Variants in SLC35F4 observed in about 807,000 individuals in gnomAD.
SLC35F4 encodes the protein chromosome 14 open reading frame 36.
In SLC35F4, 24 loss-of-function variants were observed where a neutral mutation model predicts 44.2. The ratio of observed to expected loss-of-function variants is 0.54; its 90% CI spans 0.39 to 0.76. The LOEUF is 0.76. Among genes scored for constraint, SLC35F4 ranks in the 30% least tolerant of loss-of-function variants. The pLI, the probability that SLC35F4 is intolerant of heterozygous loss-of-function variation, is 0.00. For synonymous variants in SLC35F4, 238 were observed against 223.6 expected (o/e 1.06, Z -0.57); for missense variants, 562 against 586.1 (o/e 0.96, Z 0.42).
chr14:57,894,644 TC>T (rs1445283176), intron 1 of SLC35F4, among the ~76,000 whole-genome samples: 4 of 152,160 alleles, frequency 2.6e-5, no homozygotes, highest in African/African-American at 9.7e-5. Flanking sequence ...TCAATAAACT[TC>T]TAAAATGTAT....
intron 1 of SLC35F4, among the ~76,000 whole-genome samples, chr14:57,778,387 T>G (rs2140727951): frequency 6.6e-6 from 1 of 152,152 alleles, no homozygotes; most frequent in Admixed American, 6.5e-5. Flanking sequence ...AGGAAGGACA[T>G]TAACTACATA....
intron 1 of SLC35F4, among the ~76,000 whole-genome samples, chr14:57,829,863 G>A (rs931824669): frequency 1.3e-5 from 2 of 152,142 alleles, no homozygotes; most frequent in Non-Finnish European, 2.9e-5. Context: ...TCCAGATAGG[G>A]GAGTTGAATT....
At chr14:57,599,924 C>A (rs2070716445) in intron 1 of SLC35F4, among the ~76,000 whole-genome samples, 2 of 152,006 alleles carry the variant, frequency 1.3e-5, no homozygotes, top group African/African-American at 4.8e-5. Flanking sequence ...ATACTCCCTC[C>A]CTTTGATATC....
At chr14:57,695,360 G>C (rs1433716429) in intron 1 of SLC35F4, among the ~76,000 whole-genome samples, 1 of 151,402 alleles carries the variant, frequency 6.6e-6, no homozygotes, top group Non-Finnish European at 1.5e-5. Flanking sequence ...AGTGGGCGAA[G>C]CACATGAACA....
At chr14:57,708,055 G>A (rs144669643) in intron 1 of SLC35F4, among the ~76,000 whole-genome samples, 95 of 152,252 alleles carry the variant, frequency 6.2e-4, no homozygotes, top group Admixed American at 2.5e-3. Context: ...TTTAGGGATC[G>A]TGTAGCCTCT....
intron 1 of SLC35F4, among the ~76,000 whole-genome samples, chr14:57,907,815 T>C (rs1889132863): frequency 2.6e-5 from 4 of 151,412 alleles, no homozygotes; most frequent in Admixed American, 2.0e-4. Flanking sequence ...AAAATAATAA[T>C]AAACCTTATT....
chr14:57,954,753 T>C (rs935725077), intron 1 of SLC35F4, among the ~76,000 whole-genome samples: 5 of 151,610 alleles, frequency 3.3e-5, no homozygotes, highest in African/African-American at 9.7e-5. Flanking sequence ...AATAGACCAA[T>C]AGTAAGTTCT....
At chr14:57,588,627 A>G (rs1202755677) in intron 3 of SLC35F4, among the ~76,000 whole-genome samples, 1 of 152,194 alleles carries the variant, frequency 6.6e-6, no homozygotes, top group Non-Finnish European at 1.5e-5. Context: ...ATGGTTAGCA[A>G]GGAAACAGAC....
chr14:57,630,724 A>G, intron 1 of SLC35F4: 1 of 533,012 alleles, frequency 1.9e-6, no homozygotes, highest in Non-Finnish European at 3.4e-6. Context: ...GGCGTGTGTC[A>G]TTCACTTATT....
At chr14:57,741,761 G>A (rs1276330943) in intron 1 of SLC35F4, among the ~76,000 whole-genome samples, 2 of 152,016 alleles carry the variant, frequency 1.3e-5, no homozygotes, top group Non-Finnish European at 2.9e-5. Flanking sequence ...CAACTCCAAG[G>A]CACATAATTG....
At chr14:57,565,244 A>G (rs2068147831) in intron 7 of SLC35F4, among the ~76,000 whole-genome samples, 1 of 152,150 alleles carries the variant, frequency 6.6e-6, no homozygotes, top group Non-Finnish European at 1.5e-5. Context: ...TGGGGTATAC[A>G]CTCAGGAGTG....
At chr14:57,803,253 A>C (rs1735424598) in intron 1 of SLC35F4, among the ~76,000 whole-genome samples, 1 of 152,186 alleles carries the variant, frequency 6.6e-6, no homozygotes, top group South Asian at 2.1e-4. Context: ...AAAATCAAGC[A>C]CCCCTTCATG....
intron 1 of SLC35F4, among the ~76,000 whole-genome samples, chr14:57,688,759 C>T (rs1049137772): frequency 6.6e-6 from 1 of 152,142 alleles, no homozygotes; most frequent in African/African-American, 2.4e-5. Context: ...CTGGCTCATA[C>T]TCATTTGTTG....
At chr14:57,843,462 G>A (rs1363348440) in intron 1 of SLC35F4, among the ~76,000 whole-genome samples, 1 of 152,088 alleles carries the variant, frequency 6.6e-6, no homozygotes, top group African/African-American at 2.4e-5. Flanking sequence ...GCTGAGAAGG[G>A]AGTCTTTCAT....
chr14:57,640,499 T>C (rs557095314), intron 1 of SLC35F4, among the ~76,000 whole-genome samples: 3 of 152,168 alleles, frequency 2.0e-5, no homozygotes, highest in Admixed American at 2.0e-4. Flanking sequence ...TTTATTTTGG[T>C]ACAAGTCTCC....
At position 57,719,047 on chromosome 14, in the gene SLC35F4, C is replaced by T. The variant is rs151137856; in HGVS notation, c.104-124923G>A. Among the ~76,000 whole-genome samples, 391 of 152,264 alleles carry T rather than the reference C, an allele frequency of 2.6e-3. 3 individuals carry two copies. Among genetic ancestry groups the T allele is most frequent in the South Asian group, 0.026 (123 of 4,818 alleles). On this transcript the variant is annotated intron_variant, in intron 1 of 7. Transcript: ENST00000556826. ...GAGATAGGGGCCAAGTTTCATTCTT[C>T]GGCATGTGGATATCTAGTTTTCTCA...
intron 1 of SLC35F4, among the ~76,000 whole-genome samples, chr14:57,738,535 T>A (rs2076521311): frequency 6.6e-6 from 1 of 151,976 alleles, no homozygotes; most frequent in Non-Finnish European, 1.5e-5. Context: ...GGCTTCCCCA[T>A]GACTGCCCAT....
chr14:57,963,608 C>T (rs74055565), intron 1 of SLC35F4, among the ~76,000 whole-genome samples: 2,440 of 151,824 alleles, frequency 0.016, 74 homozygotes, highest in African/African-American at 0.056. Context: ...TTACAGCGGG[C>T]TCACAGCACG....
chr14:57,656,347 CAT>C (rs1328681210), intron 1 of SLC35F4, among the ~76,000 whole-genome samples: 32 of 142,230 alleles, frequency 2.2e-4, no homozygotes, highest in South Asian at 4.9e-4. Flanking sequence ...CACACACACA[CAT>C]GTCCTTAGAG....
Sources: allele counts gnomAD v4.1 joint callset (sites outside exome capture counted in the v4.1 genomes callset), GRCh38; gene constraint gnomAD v4.1.1; transcripts MANE v1.5; gene names NCBI Gene and HGNC (gene_info 2026-07-23, HGNC 2026-07-21).